WIPF1: variants seen among roughly 807,000 people sequenced by gnomAD.
WIPF1 encodes the protein WAS/WASL interacting protein family member 1, also known as WAS/WASL-interacting protein family member 1.
Under a neutral mutation model 35.4 loss-of-function variants are expected in WIPF1, and 13 were observed. The observed-to-expected ratio is 0.37, with a 90% confidence interval of 0.24 to 0.58. The LOEUF (loss-of-function observed/expected upper bound fraction) is 0.58. WIPF1 is among the 20% of genes least tolerant of loss of function. The pLI is 0.74. For synonymous variants in WIPF1, 267 were observed against 266.3 expected (o/e 1.00, Z -0.02); for missense variants, 591 against 667.0 (o/e 0.89, Z 1.25).
chr2:174,635,729 A>AT (rs200602086), intron 1 of WIPF1, among the ~76,000 whole-genome samples: 458 of 150,492 alleles, frequency 3.0e-3, no homozygotes, highest in African/African-American at 0.011. Context: ...TGGCATGATT[A>AT]TTTTTAAAAA....
At chr2:174,566,428 A>G (rs1684662003) in intron 7 of WIPF1, 1 of 152,220 alleles carries the variant, frequency 6.6e-6, no homozygotes, top group East Asian at 1.9e-4. Flanking sequence ...GTCCATGGTA[A>G]TGGTAAATTA....
At chr2:174,615,588 A>G (rs772239510) in intron 1 of WIPF1, among the ~76,000 whole-genome samples, 1 of 152,238 alleles carries the variant, frequency 6.6e-6, no homozygotes, top group Non-Finnish European at 1.5e-5. Flanking sequence ...GCAACATTTA[A>G]AAGTATTCAA....
intron 1 of WIPF1, chr2:174,634,675 T>C (rs563062080): frequency 6.6e-6 from 1 of 152,236 alleles, no homozygotes; most frequent in Non-Finnish European, 1.5e-5. Flanking sequence ...ATAAGATCAA[T>C]TTGCTGCTTG....
chr2:174,575,140 A>G, intron 4 of WIPF1, 64 bp downstream of exon 4: 1 of 1,541,142 alleles, frequency 6.5e-7, no homozygotes, highest in Non-Finnish European at 8.8e-7. Context: ...GGCTATGACC[A>G]GCCTCCAAAC....
At chr2:174,614,323 A>G (rs1440013807) in intron 1 of WIPF1, among the ~76,000 whole-genome samples, 1 of 152,214 alleles carries the variant, frequency 6.6e-6, no homozygotes, top group African/African-American at 2.4e-5. Flanking sequence ...GAAAATGTTC[A>G]AAGGCTTTTC....
intron 7 of WIPF1, among the ~76,000 whole-genome samples, chr2:174,565,929 G>T (rs1574783142): frequency 6.6e-6 from 1 of 152,010 alleles, no homozygotes; most frequent in African/African-American, 2.4e-5. Flanking sequence ...TGTCGCCCAG[G>T]CTGGAGTGCA....
At chr2:174,627,532 C>T (rs1686883892) in intron 1 of WIPF1, among the ~76,000 whole-genome samples, 1 of 144,354 alleles carries the variant, frequency 6.9e-6, no homozygotes, top group African/African-American at 2.6e-5. Flanking sequence ...CCCTCCTTCT[C>T]TCTTTCTTTC....
At chr2:174,645,817 G>C (rs1461608143) in intron 1 of WIPF1, among the ~76,000 whole-genome samples, 1 of 152,166 alleles carries the variant, frequency 6.6e-6, no homozygotes. Flanking sequence ...GCTTTCCAAC[G>C]TTGTGCAACT....
chr2:174,678,777 T>C (rs1288586134), intron 1 of WIPF1, among the ~76,000 whole-genome samples: 1 of 152,196 alleles, frequency 6.6e-6, no homozygotes, highest in Non-Finnish European at 1.5e-5. Context: ...ACAGAGTAGG[T>C]TTTCCTGGGT....
At chr2:174,621,814 A>T (rs1402792526) in intron 1 of WIPF1, among the ~76,000 whole-genome samples, 1 of 152,202 alleles carries the variant, frequency 6.6e-6, no homozygotes, top group African/African-American at 2.4e-5. Flanking sequence ...CTCAATTTGG[A>T]CTAGCCACAT....
At chr2:174,643,256 A>C (rs1687336794) in intron 1 of WIPF1, among the ~76,000 whole-genome samples, 1 of 149,680 alleles carries the variant, frequency 6.7e-6, no homozygotes, top group Non-Finnish European at 1.5e-5. Flanking sequence ...TGTTGGGTTA[A>C]GTCAATAATG....
chr2:174,580,191 T>C (rs966232722), intron 3 of WIPF1, among the ~76,000 whole-genome samples: 1 of 152,132 alleles, frequency 6.6e-6, no homozygotes, highest in Non-Finnish European at 1.5e-5. Flanking sequence ...CCTCAAGTGA[T>C]CCACCCGCCT....
chr2:174,577,614 G>T (rs1685101455), intron 3 of WIPF1, among the ~76,000 whole-genome samples: 1 of 152,030 alleles, frequency 6.6e-6, no homozygotes, highest in African/African-American at 2.4e-5. Flanking sequence ...TGATATGATG[G>T]ATAGACTTTC....
intron 1 of WIPF1, among the ~76,000 whole-genome samples, chr2:174,659,203 A>G (rs1453320095): frequency 6.6e-6 from 1 of 152,140 alleles, no homozygotes; most frequent in Non-Finnish European, 1.5e-5. Flanking sequence ...CCTGGTCTCA[A>G]GCAATCCTCC....
intron 1 of WIPF1, among the ~76,000 whole-genome samples, chr2:174,615,998 G>T (rs192657551): frequency 3.4e-4 from 52 of 152,250 alleles, no homozygotes; most frequent in African/African-American, 1.2e-3. Flanking sequence ...TCATCACTTT[G>T]CTTGGCTAGG....
intron 7 of WIPF1, among the ~76,000 whole-genome samples, chr2:174,563,522 T>G (rs1050457939): frequency 1.3e-5 from 2 of 152,116 alleles, no homozygotes; most frequent in African/African-American, 4.8e-5. Flanking sequence ...GAGCCAAGAT[T>G]GCGCCACTGC....
intron 7 of WIPF1, among the ~76,000 whole-genome samples, chr2:174,563,757 G>T (rs552055670): frequency 6.6e-6 from 1 of 152,314 alleles, no homozygotes; most frequent in Admixed American, 6.5e-5. Context: ...GTGTCAATCA[G>T]GTAGGTCTGC....
intron 1 of WIPF1, among the ~76,000 whole-genome samples, chr2:174,607,490 A>G (rs1686207602): frequency 6.6e-6 from 1 of 152,226 alleles, no homozygotes; most frequent in Non-Finnish European, 1.5e-5. Flanking sequence ...TTCAAGGGAC[A>G]CATACAAACT....
At chr2:174,591,216 T>C (rs561695765) in intron 1 of WIPF1, among the ~76,000 whole-genome samples, 1 of 152,340 alleles carries the variant, frequency 6.6e-6, no homozygotes, top group Admixed American at 6.5e-5. Flanking sequence ...CATCTTGATC[T>C]TGGACTTCCA....
Sources: gnomAD v4.1 joint callset for allele counts (sites outside exome capture counted in the v4.1 genomes callset) on GRCh38, gnomAD v4.1.1 for gene constraint, MANE v1.5 for transcripts, NCBI Gene and HGNC (gene_info 2026-07-23, HGNC 2026-07-21) for gene names.